The following CNTNAP5 variants were observed in gnomAD, a reference collection of about 807,000 sequenced individuals.
The protein encoded by CNTNAP5 is contactin associated protein family member 5.
A neutral mutation model predicts 150.2 loss-of-function variants in CNTNAP5; 72 were observed. The ratio of observed to expected loss-of-function variants is 0.48; its 90% CI spans 0.40 to 0.58. The LOEUF (loss-of-function observed/expected upper bound fraction) is 0.58, where lower values mean the gene tolerates loss of function less well. CNTNAP5 is among the 20% of genes least tolerant of loss of function. CNTNAP5 has a pLI of 0.00. For synonymous variants in CNTNAP5, 672 were observed against 619.8 expected (o/e 1.08, Z -1.25); for missense variants, 1,636 against 1,626.2 (o/e 1.01, Z -0.10).
intron 8 of CNTNAP5, among the ~76,000 whole-genome samples, chr2:124,511,900 A>G (rs769590994): frequency 4.6e-4 from 69 of 149,960 alleles, no homozygotes; most frequent in Non-Finnish European, 8.8e-4. Flanking sequence ...GTAGAGAATT[A>G]GGAGACAAAT....
chr2:124,650,646 A>ATGAATC (rs1290033095), intron 13 of CNTNAP5, among the ~76,000 whole-genome samples: 2 of 152,182 alleles, frequency 1.3e-5, no homozygotes, highest in Admixed American at 1.3e-4. Flanking sequence ...CCTTTATCAG[A>ATGAATC]TGAATCTGTG....
intron 13 of CNTNAP5, among the ~76,000 whole-genome samples, chr2:124,738,596 C>T (rs933491896): frequency 4.8e-4 from 73 of 151,854 alleles, no homozygotes; most frequent in African/African-American, 1.4e-3. Flanking sequence ...CCGGGTGTGG[C>T]GGCACACGCC....
At chr2:124,425,216 A>C (rs532846869) in intron 4 of CNTNAP5, among the ~76,000 whole-genome samples, 22 of 152,314 alleles carry the variant, frequency 1.4e-4, no homozygotes, top group Non-Finnish European at 1.2e-4. Context: ...ATCCTTAACA[A>C]AGACTGTTCA....
intron 12 of CNTNAP5, among the ~76,000 whole-genome samples, chr2:124,629,827 A>G (rs1323820699): frequency 6.7e-6 from 1 of 149,280 alleles, no homozygotes; most frequent in Non-Finnish European, 1.5e-5. Flanking sequence ...TAGCAAGACT[A>G]ACAAGAAGAG....
intron 13 of CNTNAP5, among the ~76,000 whole-genome samples, chr2:124,743,143 T>G (rs1558758488): frequency 1.3e-5 from 2 of 152,188 alleles, no homozygotes. Flanking sequence ...GGAACCTCCT[T>G]AAGCCCTGCT....
In CNTNAP5 at chr2:124,242,389, T is replaced by C. The variant is rs1158282499; in HGVS notation, c.377T>C (p.Ile126Thr). The change falls in exon 3 of 24, where the codon ATC (isoleucine) becomes ACC (threonine). Residue 126 changes from isoleucine (I) to threonine (T), a missense_variant. Ile to Thr is a moderately conservative substitution (Grantham distance 89, BLOSUM62 -1). Transcript: ENST00000682447. ...AAACAGTACAAACAAGAAGACAGCA[T>C]CTGGGTAGGACATCTTTTTCCTTCC... ...NWKQYKQEDS[I>T]WTFAGNMNAD... 1.2e-6 allele frequency: 2 copies of C among 1,612,404 alleles called. No homozygotes were observed. Among genetic ancestry groups the C allele is most frequent in the Non-Finnish European group, 8.5e-7 (1 of 1,179,168 alleles).
intron 1 of CNTNAP5, 119 bp from the exon 2 acceptor site, chr2:124,221,586 C>T: frequency 1.5e-6 from 1 of 676,980 alleles, no homozygotes; most frequent in African/African-American, 1.8e-5. Flanking sequence ...GAGTACCTGA[C>T]CTTGTTCAGA....
At chr2:124,578,905 T>A (rs1219761161) in intron 11 of CNTNAP5, among the ~76,000 whole-genome samples, 1 of 152,260 alleles carries the variant, frequency 6.6e-6, no homozygotes, top group African/African-American at 2.4e-5. Flanking sequence ...TTTTTCAATT[T>A]TTTTTTCTTT....
intron 13 of CNTNAP5, among the ~76,000 whole-genome samples, chr2:124,737,102 C>T (rs1281173150): frequency 1.3e-5 from 2 of 152,006 alleles, no homozygotes; most frequent in East Asian, 1.9e-4. Flanking sequence ...ACCAGCCTGA[C>T]CAACATAGAG....
intron 11 of CNTNAP5, among the ~76,000 whole-genome samples, chr2:124,582,182 A>C (rs1227212433): frequency 6.6e-6 from 1 of 152,124 alleles, no homozygotes; most frequent in Non-Finnish European, 1.5e-5. Context: ...TTGGATCGGA[A>C]GGCCTCGGTG....
chr2:124,621,841 A>G (rs1189189739), intron 12 of CNTNAP5, among the ~76,000 whole-genome samples: 1 of 152,160 alleles, frequency 6.6e-6, no homozygotes, highest in African/African-American at 2.4e-5. Context: ...TGCCAGCTGT[A>G]TCATATAGCA....
intron 7 of CNTNAP5, among the ~76,000 whole-genome samples, chr2:124,496,754 G>A (rs1024629632): frequency 1.3e-5 from 2 of 152,144 alleles, no homozygotes; most frequent in South Asian, 2.1e-4. Flanking sequence ...AATGAAGGAC[G>A]TGCCAGGATC....
At position 124,380,429 on chromosome 2, in the gene CNTNAP5, T is replaced by A. The variant is rs1573955742; in HGVS notation, c.382-37014T>A. Among the ~76,000 whole-genome samples the A allele has an allele frequency of 3.9e-5, 6 of 152,280 alleles. No individual in the cohort carries two copies. In the South Asian group the frequency reaches 1.2e-3, roughly 32 times the overall value. Reference sequence around the variant, plus strand: ...GGGAAATTGTGGAGCATAATGCATTTGTACTCTGGTGAAGAGAGAGACAGA... The same window carrying A: ...GGGAAATTGTGGAGCATAATGCATTAGTACTCTGGTGAAGAGAGAGACAGA... On this transcript the variant is annotated intron_variant, in intron 3 of 23. Coordinates refer to ENST00000682447, the MANE Select transcript of CNTNAP5 (RefSeq NM_001367498.1).
chr2:124,417,150 G>A (rs1691939422), intron 3 of CNTNAP5, among the ~76,000 whole-genome samples: 1 of 151,926 alleles, frequency 6.6e-6, no homozygotes, highest in South Asian at 2.1e-4. Flanking sequence ...ATGCTAGCCA[G>A]TCTGGTCTCA....
At chr2:124,574,753 T>C (rs1442860924) in intron 11 of CNTNAP5, among the ~76,000 whole-genome samples, 1 of 152,234 alleles carries the variant, frequency 6.6e-6, no homozygotes, top group African/African-American at 2.4e-5. Context: ...CTTGACTAAG[T>C]TGTCATGAAA....
chr2:124,901,063 G>A (rs1035465090), intron 21 of CNTNAP5, among the ~76,000 whole-genome samples: 1 of 151,652 alleles, frequency 6.6e-6, no homozygotes, highest in Non-Finnish European at 1.5e-5. Context: ...AATGCTGTAG[G>A]AGATTTATTT....
chr2:124,861,529 A>G (rs866981471), intron 19 of CNTNAP5, among the ~76,000 whole-genome samples: 1 of 152,216 alleles, frequency 6.6e-6, no homozygotes, highest in Middle Eastern at 3.4e-3. Flanking sequence ...TGGAGGTTGC[A>G]GTGAGCCGAG....
chr2:124,306,081 C>T lies in CNTNAP5; in HGVS notation c.381+63688C>T, dbSNP rs77888210. Among the ~76,000 whole-genome samples, 464 of 152,192 alleles carry T rather than the reference C, an allele frequency of 3.0e-3. 2 individuals carry two copies. The highest frequency in any genetic ancestry group is 0.011 in the African/African-American group (437 of 41,528). ...TTAGCATCTTTTATTAGTCAGAGAT[C>T]GTGAGATTGCATTTGACAGAACCAC... On this transcript the variant is annotated intron_variant, in intron 3 of 23. Transcript: ENST00000682447.
chr2:124,110,731 A>G (rs1683274628), intron 1 of CNTNAP5, among the ~76,000 whole-genome samples: 1 of 152,190 alleles, frequency 6.6e-6, no homozygotes, highest in South Asian at 2.1e-4. Context: ...ACCTGTTGTC[A>G]TTTAAAGGCA....
Sources: allele counts gnomAD v4.1 joint callset (sites outside exome capture counted in the v4.1 genomes callset), GRCh38; gene constraint gnomAD v4.1.1; transcripts MANE v1.5; gene names NCBI Gene and HGNC (gene_info 2026-07-23, HGNC 2026-07-21).